CELSR1: variants seen among roughly 807,000 people sequenced by gnomAD.
CELSR1 encodes cadherin EGF LAG seven-pass G-type receptor 1.
In CELSR1, 110 loss-of-function variants were observed where a neutral mutation model predicts 249.1. That is an observed-to-expected ratio of 0.44 (90% CI 0.38 to 0.52). The LOEUF (loss-of-function observed/expected upper bound fraction) is 0.52, where lower values mean the gene tolerates loss of function less well. Among genes scored for constraint, CELSR1 ranks in the 20% least tolerant of loss-of-function variants. CELSR1 has a pLI of 0.00. For missense variants in CELSR1, 4,109 were observed against 4,296.4 expected (o/e 0.96, Z 1.22); for synonymous variants, 2,113 against 1,900.0 (o/e 1.11, Z -2.92).
rs2080831776 is a variant in CELSR1, at chr22:46,534,744, A to G, written c.2427T>C (p.Ala809=). The change falls in exon 1 of 35, where the codon GCT becomes GCC. Residue 809 remains alanine, a synonymous_variant. Transcript: ENST00000674500. The surrounding 1 kb of genome is among the most constrained non-coding windows in gnomAD (Gnocchi z 9.7). ...TGTCCTCATCGTTGGCACTGAGGGT[A>G]GCAATGGAGGTGCCCACAGGCCTGT... ...SEDRPVGTSI[A]TLSANDEDTG... 2 of 1,613,034 alleles carry G rather than the reference A, an allele frequency of 1.2e-6. No individual in the cohort carries two copies. The highest frequency in any genetic ancestry group is 1.3e-5 in the African/African-American group (1 of 74,912).
chr22:46,422,780 A>AAAAAAAAG lies in CELSR1; in HGVS notation c.4611+10612_4611+10613insCTTTTTTT, dbSNP rs1337523194. Among the ~76,000 whole-genome samples the AAAAAAAAG allele has an allele frequency of 2.2e-4, 33 of 148,572 alleles. 2 individuals are homozygous for AAAAAAAAG. The highest frequency in any genetic ancestry group is 8.4e-4 in the African/African-American group (33 of 39,066). ...AGACTCCATCTCAAAAAAAAAAAAA[A>AAAAAAAAG]TGGCTCATAGTCCCATGACCCAGAT... On this transcript the variant is annotated intron_variant, in intron 5 of 34. Coordinates refer to ENST00000674500, the MANE Select transcript of CELSR1 (RefSeq NM_001378328.1).
At chr22:46,388,447 G>T (rs1016780937) in intron 18 of CELSR1, among the ~76,000 whole-genome samples, 3 of 152,206 alleles carry the variant, frequency 2.0e-5, no homozygotes, top group South Asian at 4.1e-4. Flanking sequence ...CTCAGGCTGG[G>T]ACTCAAATCC....
intron 5 of CELSR1, among the ~76,000 whole-genome samples, chr22:46,415,670 C>T (rs55780321): frequency 0.047 from 7,147 of 152,036 alleles, 210 homozygotes; most frequent in Non-Finnish European, 0.07. Flanking sequence ...CCCTCACCAG[C>T]CCCCTGCCAC....
intron 5 of CELSR1, among the ~76,000 whole-genome samples, chr22:46,414,645 T>TCCC (rs1569146550): frequency 2.0e-5 from 3 of 147,208 alleles, no homozygotes; most frequent in South Asian, 2.1e-4. Context: ...CCGTCCACTC[T>TCCC]GCAGTTGAGG....
intron 5 of CELSR1, among the ~76,000 whole-genome samples, chr22:46,416,658 G>A (rs1343937373): frequency 2.6e-5 from 4 of 152,194 alleles, no homozygotes; most frequent in African/African-American, 4.8e-5. Flanking sequence ...CTACAGTGCC[G>A]CTGAGCACTG....
rs1479094823 is a variant in CELSR1 at position 46,454,519 on chromosome 22, T to C, written c.4183+9188A>G. 1.3e-5 allele frequency among the ~76,000 whole-genome samples: 2 copies of C among 152,330 alleles called. No homozygotes were observed. Among genetic ancestry groups the C allele is most frequent in the East Asian group, 3.9e-4 (2 of 5,184 alleles). On this transcript the variant is annotated intron_variant, in intron 2 of 34. Transcript: ENST00000674500. This position sits in a 1 kb window ranked among gnomAD's most constrained non-coding sequence, Gnocchi z 5.1. ...GACTTCGAAGTCACGGGGAACGGCG[T>C]GTGCTTTAAACCACAGCGAGGTTTC...
chr22:46,436,248 C>A lies in CELSR1; in HGVS notation c.4448G>T (p.Gly1483Val). Residue 1483 changes from glycine (G) to valine (V), a missense_variant, in exon 4 of 35, where the codon GGC (glycine) becomes GTC (valine). Physicochemically the swap from Gly to Val is moderately radical, Grantham distance 109. Coordinates refer to ENST00000674500, the MANE Select transcript of CELSR1 (RefSeq NM_001378328.1). The surrounding 1 kb of genome is among the most constrained non-coding windows in gnomAD (Gnocchi z 5.9). ...QERNGLLLYN[G>V]RFNEKHDFIA... Reference sequence around the variant, plus strand: ...GAAGTCGTGCTTCTCATTGAAGCGGCCGTTGTAGAGAAGCAAGCCGTTCCT... The same window carrying A: ...GAAGTCGTGCTTCTCATTGAAGCGGACGTTGTAGAGAAGCAAGCCGTTCCT... 1 of 1,614,134 alleles carries A rather than the reference C, an allele frequency of 6.2e-7. No individual in the cohort carries two copies. The highest frequency in any genetic ancestry group is 8.5e-7 in the Non-Finnish European group (1 of 1,180,018).
intron 1 of CELSR1, among the ~76,000 whole-genome samples, chr22:46,522,948 A>G (rs147924198): frequency 1.3e-4 from 20 of 152,340 alleles, no homozygotes; most frequent in Admixed American, 3.3e-4. Flanking sequence ...ATCACAACAC[A>G]TCAAAGGACA....
chr22:46,397,840 C>A lies in CELSR1; in HGVS notation c.5535G>T (p.Arg1845Ser), dbSNP rs772023069. ...RGFRGCMQGVRMGGTPTNVAT... is the reference protein window; with the variant it reads ...RGFRGCMQGVSMGGTPTNVAT... Reference sequence around the variant, plus strand: ...CGACGTTGGTGGGCGTCCCCCCCATCCTCACTCCCTGCATTAAGTAAACGG... The same window carrying A: ...CGACGTTGGTGGGCGTCCCCCCCATACTCACTCCCTGCATTAAGTAAACGG... Residue 1845 changes from arginine (R) to serine (S), a missense_variant, in exon 12 of 35, where the codon AGG becomes AGT. Coordinates refer to ENST00000674500, the MANE Select transcript of CELSR1 (RefSeq NM_001378328.1). The A allele has an allele frequency of 1.9e-6, 3 of 1,569,964 alleles. No individual in the cohort carries two copies. The highest frequency in any genetic ancestry group is 1.2e-5 in the South Asian group (1 of 83,536).
At position 46,473,184 on chromosome 22, in the gene CELSR1, C is replaced by G. The variant is rs1018790549; in HGVS notation, c.3545-8839G>C. ...AGGGGTGGACAGGACCCACGCACCA[C>G]GAGGAACCATCGCTGGCCCTTGACA... On this transcript the variant is annotated intron_variant, in intron 1 of 34. Transcript: ENST00000674500. The surrounding 1 kb of genome is among the most constrained non-coding windows in gnomAD (Gnocchi z 6.6). 9.2e-5 allele frequency among the ~76,000 whole-genome samples: 14 copies of G among 152,184 alleles called. No homozygotes were observed. Among genetic ancestry groups the G allele is most frequent in the African/African-American group, 3.4e-4 (14 of 41,498 alleles).
At chr22:46,418,102 C>T (rs1251244987) in intron 5 of CELSR1, among the ~76,000 whole-genome samples, 1 of 152,236 alleles carries the variant, frequency 6.6e-6, no homozygotes, top group Non-Finnish European at 1.5e-5. Flanking sequence ...ATTGTTACTT[C>T]TTGAAAAGAT....
At chr22:46,368,956 T>C (rs368255918) in intron 27 of CELSR1, among the ~76,000 whole-genome samples, 12 of 150,240 alleles carry the variant, frequency 8.0e-5, no homozygotes, top group Admixed American at 2.6e-4. Context: ...GCCCCCTCCC[T>C]TCAGCTAACC....
At chr22:46,405,941 T>C (rs2079261612) in intron 9 of CELSR1, among the ~76,000 whole-genome samples, 1 of 152,136 alleles carries the variant, frequency 6.6e-6, no homozygotes, top group South Asian at 2.1e-4. Flanking sequence ...GGGTGCCCAG[T>C]GGGGTCTGCA....
At chr22:46,414,265 G>A (rs1246319551) in intron 5 of CELSR1, among the ~76,000 whole-genome samples, 1 of 152,182 alleles carries the variant, frequency 6.6e-6, no homozygotes, top group African/African-American at 2.4e-5. Context: ...CTGACTCCCA[G>A]AGACACCCAC....
intron 2 of CELSR1, among the ~76,000 whole-genome samples, chr22:46,463,400 C>T (rs2080054737): frequency 6.6e-6 from 1 of 152,158 alleles, no homozygotes; most frequent in Admixed American, 6.5e-5. Flanking sequence ...CCTGCAACCC[C>T]AGCTACTCGG....
chr22:46,519,059 C>G (rs2080658313), intron 1 of CELSR1, among the ~76,000 whole-genome samples: 1 of 151,480 alleles, frequency 6.6e-6, no homozygotes, highest in Non-Finnish European at 1.5e-5. Flanking sequence ...AACATAAAGA[C>G]AAGAAAATAC....
intron 5 of CELSR1, among the ~76,000 whole-genome samples, chr22:46,419,021 T>C (rs1569149631): frequency 6.6e-6 from 1 of 152,006 alleles, no homozygotes; most frequent in Non-Finnish European, 1.5e-5. Context: ...ATCCCCGTGG[T>C]AGTTAATTTT....
chr22:46,525,022 A>G (rs939663524), intron 1 of CELSR1, among the ~76,000 whole-genome samples: 8 of 152,280 alleles, frequency 5.3e-5, no homozygotes, highest in African/African-American at 1.4e-4. Context: ...AGGCTTCAGG[A>G]CAGGGAAGCC....
chr22:46,391,298 G>A lies in CELSR1; in HGVS notation c.6149-11C>T, dbSNP rs1057407569. 6.2e-7 allele frequency: 1 copy of A among 1,611,774 alleles called. No homozygotes were observed. Among genetic ancestry groups the A allele is most frequent in the Non-Finnish European group, 8.5e-7 (1 of 1,178,510 alleles). On this transcript the variant is annotated splice_polypyrimidine_tract_variant and intron_variant, in intron 15 of 34. Transcript: ENST00000674500. The surrounding 1 kb of genome is among the most constrained non-coding windows in gnomAD (Gnocchi z 4.3). ...AGCCATTGTAGATCACTGGGGTAGA[G>A]AAGAGAGAAGTCTGCTCAGCGGGGC...
Sources: allele counts gnomAD v4.1 joint callset (sites outside exome capture counted in the v4.1 genomes callset), GRCh38; gene constraint gnomAD v4.1.1; non-coding constraint Gnocchi (gnomAD v3.1); transcripts MANE v1.5; gene names NCBI Gene and HGNC (gene_info 2026-07-23, HGNC 2026-07-21).